CAB39L: variants seen among roughly 807,000 people sequenced by gnomAD.
The protein encoded by CAB39L is calcium-binding protein 39-like.
CAB39L carries 23 observed loss-of-function variants against 39.1 expected under a neutral mutation model. The ratio of observed to expected loss-of-function variants is 0.59; its 90% CI spans 0.42 to 0.83. The LOEUF (loss-of-function observed/expected upper bound fraction) is 0.83. Among genes scored for constraint, CAB39L ranks in the 40% least tolerant of loss-of-function variants. The pLI is 0.00. For synonymous variants in CAB39L, 126 were observed against 137.2 expected (o/e 0.92, Z 0.57); for missense variants, 366 against 391.9 (o/e 0.93, Z 0.56).
chr13:49,323,317 T>C (rs1954406193), intron 10 of CAB39L, among the ~76,000 whole-genome samples: 1 of 152,240 alleles, frequency 6.6e-6, no homozygotes, highest in African/African-American at 2.4e-5. Context: ...CCCTGGACTT[T>C]TCTGCTCTTT....
At chr13:49,330,059 G>A (rs1311697298) in intron 10 of CAB39L, among the ~76,000 whole-genome samples, 1 of 152,138 alleles carries the variant, frequency 6.6e-6, no homozygotes, top group Non-Finnish European at 1.5e-5. Context: ...ACCTCAAGGT[G>A]GCTAGTCAAC....
At chr13:49,376,593 G>A (rs1274497634) in intron 5 of CAB39L, among the ~76,000 whole-genome samples, 1 of 152,106 alleles carries the variant, frequency 6.6e-6, no homozygotes, top group Non-Finnish European at 1.5e-5. Context: ...TAATATCTTT[G>A]AACTTTAGGT....
In CAB39L at chr13:49,345,591, A is replaced by G. The variant is rs974000361; in HGVS notation, c.565-1353T>C. Among the ~76,000 whole-genome samples, 12 of 152,276 alleles carry G rather than the reference A, an allele frequency of 7.9e-5. No individual in the cohort carries two copies. The South Asian group carries it at 2.5e-3, about 32-fold the overall frequency. On this transcript the variant is annotated intron_variant, in intron 7 of 10. Transcript: ENST00000409308. Reference sequence around the variant, plus strand: ...CTTGAAAGAGTAAGGTAGTTCCACAAGATCCTTTGAGGTCCCTACTCTTTT... The same window carrying G: ...CTTGAAAGAGTAAGGTAGTTCCACAGGATCCTTTGAGGTCCCTACTCTTTT...
chr13:49,340,113 G>A (rs1310284660), intron 8 of CAB39L, among the ~76,000 whole-genome samples: 1 of 152,134 alleles, frequency 6.6e-6, no homozygotes, highest in Non-Finnish European at 1.5e-5. Context: ...TACACTTAAG[G>A]CTTCACTTGG....
Position 49,377,062 on chromosome 13 carries a change from GTTCT to G in CAB39L, c.177_180del (p.Lys59AsnfsTer10). 6.2e-7 allele frequency: 1 copy of G among 1,613,522 alleles called. No individual in the cohort carries two copies. Among genetic ancestry groups the G allele is most frequent in the African/African-American group, 1.3e-5 (1 of 75,004 alleles). On this transcript the variant is annotated frameshift_variant, in exon 5 of 11. Coordinates refer to ENST00000409308, the MANE Select transcript of CAB39L (RefSeq NM_001079670.3). LOFTEE classifies it high-confidence loss of function. The stretch of plus-strand genomic sequence containing the variant: ...AGCTGAGCCACTGCTTCTGTTGGGG[GTTCT>G]TTCTCGTTTGTACCACACAGAATTT...
chr13:49,348,661 A>G (rs1371063891), intron 7 of CAB39L, among the ~76,000 whole-genome samples: 1 of 152,188 alleles, frequency 6.6e-6, no homozygotes, highest in African/African-American at 2.4e-5. Flanking sequence ...ATCCACCCCC[A>G]GCCCACCCCA....
chr13:49,359,230 C>T (rs1955565616), intron 6 of CAB39L, among the ~76,000 whole-genome samples: 2 of 152,132 alleles, frequency 1.3e-5, no homozygotes, highest in Admixed American at 1.3e-4. Context: ...TATCACCCAC[C>T]TCGACTTCAG....
chr13:49,340,710 A>G (rs776149468), intron 8 of CAB39L, among the ~76,000 whole-genome samples: 17 of 152,212 alleles, frequency 1.1e-4, no homozygotes, highest in Non-Finnish European at 1.8e-4. Flanking sequence ...TAAATATAAA[A>G]TGCAAATACA....
intron 3 of CAB39L, among the ~76,000 whole-genome samples, chr13:49,394,135 C>T (rs1325912850): frequency 1.3e-5 from 2 of 151,658 alleles, no homozygotes; most frequent in African/African-American, 4.8e-5. Flanking sequence ...TATAGGCAAA[C>T]AACAAACTAG....
At chr13:49,402,657 A>G (rs187618131) in intron 3 of CAB39L, among the ~76,000 whole-genome samples, 1 of 152,320 alleles carries the variant, frequency 6.6e-6, no homozygotes, top group East Asian at 1.9e-4. Context: ...GTAAGGTGAA[A>G]GGTAAACATC....
At chr13:49,342,143 G>T (rs1483965140) in intron 8 of CAB39L, among the ~76,000 whole-genome samples, 2 of 152,080 alleles carry the variant, frequency 1.3e-5, no homozygotes, top group Admixed American at 6.5e-5. Context: ...CAGTATTCAG[G>T]AGTATGTTGC....
intron 5 of CAB39L, among the ~76,000 whole-genome samples, chr13:49,370,331 C>A (rs187995057): frequency 9.9e-4 from 151 of 152,238 alleles, no homozygotes; most frequent in Admixed American, 3.8e-3. Flanking sequence ...ATTATCTCCC[C>A]CACTGCCCCA....
At chr13:49,311,785 GTTTGT>G (rs1254761558) in intron 10 of CAB39L, among the ~76,000 whole-genome samples, 1 of 152,142 alleles carries the variant, frequency 6.6e-6, no homozygotes, top group Non-Finnish European at 1.5e-5. Flanking sequence ...TGTATAATGT[GTTTGT>G]TTTAAGCTGT....
chr13:49,371,686 A>G (rs1955922556), intron 5 of CAB39L, among the ~76,000 whole-genome samples: 1 of 151,686 alleles, frequency 6.6e-6, no homozygotes, highest in Non-Finnish European at 1.5e-5. Context: ...AGCCTCAACC[A>G]CCTGGGCCCA....
chr13:49,432,298 C>G (rs938496484), intron 3 of CAB39L, among the ~76,000 whole-genome samples: 2 of 151,954 alleles, frequency 1.3e-5, no homozygotes, highest in Non-Finnish European at 2.9e-5. Context: ...ACCACCATAC[C>G]CAGCTAATTC....
At chr13:49,347,907 G>T (rs1296853016) in intron 7 of CAB39L, among the ~76,000 whole-genome samples, 1 of 151,544 alleles carries the variant, frequency 6.6e-6, no homozygotes, top group Non-Finnish European at 1.5e-5. Flanking sequence ...GTTCTCCCGA[G>T]ATTTCAGTTT....
rs191749607 is a variant in CAB39L at position 49,370,060 on chromosome 13, G to A, written c.276+6907C>T. Among the ~76,000 whole-genome samples the A allele has an allele frequency of 5.8e-3, 889 of 152,232 alleles. 25 individuals are homozygous for A. The highest frequency in any genetic ancestry group is 3.4e-3 in the Non-Finnish European group (233 of 68,012). ...TGCTGGTGTGTTGCGGGGGAGTTGA[G>A]GTGGGTGGGAGCAAGTGGTTGTGCT... On this transcript the variant is annotated intron_variant, in intron 5 of 10. Coordinates refer to ENST00000409308, the MANE Select transcript of CAB39L (RefSeq NM_001079670.3).
rs566638887 is a variant in CAB39L at position 49,406,034 on chromosome 13, CT to C, written c.-31-23094del. Reference sequence around the variant, plus strand: ...CAGGGCAAAGGGGATAGTTAATCCACTAATGGGATGAGTATAAAAATATAGT... The same window carrying C: ...CAGGGCAAAGGGGATAGTTAATCCACAATGGGATGAGTATAAAAATATAGT... On this transcript the variant is annotated intron_variant, in intron 3 of 10. Coordinates refer to ENST00000409308, the MANE Select transcript of CAB39L (RefSeq NM_001079670.3). Among the ~76,000 whole-genome samples the C allele has an allele frequency of 9.3e-5, 14 of 150,630 alleles. No individual in the cohort carries two copies. The South Asian group carries it at 2.7e-3, about 29-fold the overall frequency.
chr13:49,318,206 A>G (rs1954220288), intron 10 of CAB39L, among the ~76,000 whole-genome samples: 1 of 151,994 alleles, frequency 6.6e-6, no homozygotes, highest in Admixed American at 6.6e-5. Flanking sequence ...TCATGCCTGT[A>G]ATCCCAACAC....
Sources: gnomAD v4.1 joint callset for allele counts (sites outside exome capture counted in the v4.1 genomes callset) on GRCh38, gnomAD v4.1.1 for gene constraint, MANE v1.5 for transcripts, NCBI Gene and HGNC (gene_info 2026-07-23, HGNC 2026-07-21) for gene names.